Variants in ARHGAP10 observed in about 807,000 individuals in gnomAD.
ARHGAP10 encodes Rho GTPase activating protein 10, also known as rho GTPase-activating protein 10.
Under a neutral mutation model 108.6 loss-of-function variants are expected in ARHGAP10, and 87 were observed. The ratio of observed to expected loss-of-function variants is 0.80; its 90% CI spans 0.67 to 0.96. The LOEUF (loss-of-function observed/expected upper bound fraction) is 0.96. Ranked by LOEUF, ARHGAP10 falls within the 40% of genes least tolerant of loss-of-function variation. ARHGAP10 has a pLI of 0.00. For synonymous variants in ARHGAP10, 347 were observed against 341.1 expected (o/e 1.02, Z -0.19); for missense variants, 939 against 954.5 (o/e 0.98, Z 0.21).
At chr4:147,857,679 C>A in intron 5 of ARHGAP10, 25 bp downstream of exon 5, 1 of 1,407,024 alleles carries the variant, frequency 7.1e-7, no homozygotes. Context: ...TTTTCTGTTA[C>A]GTTTTCAAAA....
intron 13 of ARHGAP10, among the ~76,000 whole-genome samples, chr4:147,914,007 G>T (rs1450332104): frequency 1.3e-5 from 2 of 152,120 alleles, no homozygotes; most frequent in Non-Finnish European, 2.9e-5. Context: ...ACAAAAATTA[G>T]CTGGGTGTGG....
chr4:147,899,489 C>G (rs575733498), intron 10 of ARHGAP10, among the ~76,000 whole-genome samples: 1 of 152,198 alleles, frequency 6.6e-6, no homozygotes, highest in South Asian at 2.1e-4. Flanking sequence ...CCGTCTTGTT[C>G]TTATTGGTAG....
At chr4:147,856,017 A>C (rs997418503) in intron 4 of ARHGAP10, among the ~76,000 whole-genome samples, 2 of 152,232 alleles carry the variant, frequency 1.3e-5, no homozygotes, top group African/African-American at 4.8e-5. Flanking sequence ...AAATTAGGGA[A>C]GAGAATGTTC....
rs552119919 is a variant in ARHGAP10, at chr4:148,012,594, G to A, written c.1717-10669G>A. ...TGTTTAGAAACATTTCGGTTGGATGGTAAGATCTACCTGTGTCCTAATGTG... is the reference window on the plus strand; with the variant it reads ...TGTTTAGAAACATTTCGGTTGGATGATAAGATCTACCTGTGTCCTAATGTG... On this transcript the variant is annotated intron_variant, in intron 18 of 22. Transcript: ENST00000336498. Among the ~76,000 whole-genome samples, 18 of 152,242 alleles carry A rather than the reference G, an allele frequency of 1.2e-4. 1 individual carries two copies. In the South Asian group the frequency reaches 3.5e-3, roughly 30 times the overall value.
At chr4:147,978,208 C>T (rs980968936) in intron 18 of ARHGAP10, among the ~76,000 whole-genome samples, 4 of 152,062 alleles carry the variant, frequency 2.6e-5, no homozygotes, top group Non-Finnish European at 5.9e-5. Flanking sequence ...ATTGCTGGGT[C>T]GAATGGTAGT....
intron 18 of ARHGAP10, among the ~76,000 whole-genome samples, chr4:147,993,784 G>A (rs916282617): frequency 6.6e-6 from 1 of 152,190 alleles, no homozygotes; most frequent in Admixed American, 6.5e-5. Context: ...GGCCTGCAGA[G>A]GATATAATGG....
chr4:147,736,493 A>G (rs997780037), intron 1 of ARHGAP10, among the ~76,000 whole-genome samples: 3 of 152,040 alleles, frequency 2.0e-5, no homozygotes, highest in Non-Finnish European at 4.4e-5. Context: ...TTTTTGTAAA[A>G]TGGGACTGAT....
At chr4:147,742,553 G>A (rs988974840) in intron 1 of ARHGAP10, among the ~76,000 whole-genome samples, 13 of 128,626 alleles carry the variant, frequency 1.0e-4, no homozygotes, top group African/African-American at 1.2e-4. Flanking sequence ...GCACAATCTC[G>A]ACTCACTGCA....
At chr4:148,032,289 T>C (rs1025859135) in intron 19 of ARHGAP10, among the ~76,000 whole-genome samples, 2 of 149,188 alleles carry the variant, frequency 1.3e-5, no homozygotes, top group Non-Finnish European at 3.0e-5. Context: ...TTGCCATCTT[T>C]TAGGTAAAAA....
At chr4:147,993,789 T>A (rs1314842335) in intron 18 of ARHGAP10, among the ~76,000 whole-genome samples, 1 of 152,250 alleles carries the variant, frequency 6.6e-6, no homozygotes, top group Non-Finnish European at 1.5e-5. Context: ...GCAGAGGATA[T>A]AATGGATATA....
At chr4:147,916,998 C>T (rs1737014659) in intron 13 of ARHGAP10, 1 of 152,196 alleles carries the variant, frequency 6.6e-6, no homozygotes, top group African/African-American at 2.4e-5. Flanking sequence ...TTGAATCTCT[C>T]AGCGTATTCT....
At chr4:147,811,594 A>G (rs559871530) in intron 1 of ARHGAP10, among the ~76,000 whole-genome samples, 1 of 149,284 alleles carries the variant, frequency 6.7e-6, no homozygotes, top group East Asian at 1.9e-4. Flanking sequence ...TTTTTTTAAA[A>G]AAAAAAAACA....
chr4:147,813,754 T>C (rs758946552), intron 1 of ARHGAP10, among the ~76,000 whole-genome samples: 8 of 152,226 alleles, frequency 5.3e-5, no homozygotes, highest in Non-Finnish European at 8.8e-5. Context: ...CTCACATGTT[T>C]TCCTGGTCTC....
At chr4:147,755,959 C>T (rs566877848) in intron 1 of ARHGAP10, among the ~76,000 whole-genome samples, 2 of 151,982 alleles carry the variant, frequency 1.3e-5, no homozygotes, top group Non-Finnish European at 2.9e-5. Context: ...CAGTTATCAA[C>T]TGGCTTTTAG....
chr4:148,003,213 A>G (rs971006268), intron 18 of ARHGAP10, among the ~76,000 whole-genome samples: 1 of 152,152 alleles, frequency 6.6e-6, no homozygotes, highest in African/African-American at 2.4e-5. Flanking sequence ...GTTTCCATGT[A>G]GTTGATCGGT....
At chr4:147,736,796 A>G (rs1307948568) in intron 1 of ARHGAP10, among the ~76,000 whole-genome samples, 2 of 152,158 alleles carry the variant, frequency 1.3e-5, no homozygotes, top group African/African-American at 4.8e-5. Flanking sequence ...TGATAAACCC[A>G]TTTTCTGGGT....
chr4:148,061,611 A>G (rs996386595), intron 20 of ARHGAP10, among the ~76,000 whole-genome samples: 1 of 105,366 alleles, frequency 9.5e-6, no homozygotes, highest in African/African-American at 2.8e-5. Flanking sequence ...TAGAAGAATA[A>G]TGTTTTTTTT....
intron 1 of ARHGAP10, among the ~76,000 whole-genome samples, chr4:147,781,153 T>G (rs1213624838): frequency 6.6e-6 from 1 of 151,896 alleles, no homozygotes; most frequent in Non-Finnish European, 1.5e-5. Flanking sequence ...GGTCAAGAGA[T>G]CGAGACCATT....
intron 19 of ARHGAP10, among the ~76,000 whole-genome samples, chr4:148,033,619 G>T (rs758706041): frequency 2.0e-5 from 3 of 151,986 alleles, no homozygotes; most frequent in Non-Finnish European, 2.9e-5. Flanking sequence ...CACACATACC[G>T]CATACATTTA....
Sources: allele counts gnomAD v4.1 joint callset (sites outside exome capture counted in the v4.1 genomes callset), GRCh38; gene constraint gnomAD v4.1.1; transcripts MANE v1.5; gene names NCBI Gene and HGNC (gene_info 2026-07-23, HGNC 2026-07-21).